NUP88: variants seen among roughly 807,000 people sequenced by gnomAD.
NUP88 encodes nucleoporin 88.
NUP88 carries 57 observed loss-of-function variants against 93.9 expected under a neutral mutation model. The observed-to-expected ratio is 0.61, with a 90% CI of 0.49 to 0.76. NUP88 has a LOEUF of 0.76. Among genes scored for constraint, NUP88 ranks in the 30% least tolerant of loss-of-function variants. The pLI is 0.00. For synonymous variants in NUP88, 346 were observed against 336.8 expected, an observed-to-expected ratio of 1.03 and a Z score of -0.30; for missense variants, 911 against 901.0, an observed-to-expected ratio of 1.01 and a Z score of -0.14.
intron 9 of NUP88, among the ~76,000 whole-genome samples, chr17:5,393,431 TTTTC>T (rs1912568858): frequency 2.0e-5 from 3 of 147,768 alleles, no homozygotes; most frequent in South Asian, 4.3e-4. Flanking sequence ...CCTTGTTCAC[TTTTC>T]TTTTTTTTTT....
chr17:5,387,598 C>CACTT lies in NUP88; in HGVS notation c.1835+3_1835+6dup. 1 of 1,611,474 alleles carries CACTT rather than the reference C, an allele frequency of 6.2e-7. No individual in the cohort carries two copies. The highest frequency in any genetic ancestry group is 1.3e-5 in the African/African-American group (1 of 74,898). On this transcript the variant is annotated splice_region_variant and intron_variant, in intron 13 of 16. Transcript: ENST00000573584. ...CCTATTGTATTCTTCTTATTTTTGA[C>CACTT]ACTTACCTCTCTTCTCGACAATAAC...
Position 5,385,372 on chromosome 17 carries a change from G to A in NUP88, c.*834C>T, listed in dbSNP as rs561096138. The A allele has an allele frequency of 1.7e-5, 4 of 230,666 alleles. No individual in the cohort carries two copies. Among genetic ancestry groups the A allele is most frequent in the Middle Eastern group, 1.3e-3 (1 of 774 alleles). 14.3% of individuals were successfully genotyped at this position (230,666 alleles called of 1,614,324 possible). A position where few individuals can be genotyped will look rare whatever the true frequency, so the allele number is the denominator to read the frequency against. Reference sequence around the variant, plus strand: ...GCTTATATTCAGTCTGTGCCTACATGTTCTCATGCATGTCTAACCTGATTT... The same window carrying A: ...GCTTATATTCAGTCTGTGCCTACATATTCTCATGCATGTCTAACCTGATTT... On this transcript the variant is annotated 3_prime_UTR_variant, in exon 17 of 17. Transcript: ENST00000573584.
rs370741484 is a variant in NUP88, at chr17:5,387,476, T to C, written c.1836-10A>G. On this transcript the variant is annotated splice_polypyrimidine_tract_variant and intron_variant, in intron 13 of 16. Coordinates refer to ENST00000573584, the MANE Select transcript of NUP88 (RefSeq NM_002532.6). ...TTCCCGCAGACTTTTCCTAATGATG[T>C]AAGACACAAGAGACTCTTGAGGTCC... 451 of 1,613,724 alleles carry C rather than the reference T, an allele frequency of 2.8e-4. 4 individuals are homozygous for C. The South Asian group carries it at 4.8e-3, about 17-fold the overall frequency.
chr17:5,389,971 G>C (rs1438795797), intron 10 of NUP88, among the ~76,000 whole-genome samples: 1 of 151,806 alleles, frequency 6.6e-6, no homozygotes, highest in East Asian at 1.9e-4. Context: ...TTCAGGACCA[G>C]CCTGGCCAAC....
chr17:5,416,476 T>C, intron 2 of NUP88, 37 bp downstream of exon 2: 2 of 1,412,370 alleles, frequency 1.4e-6, no homozygotes. Context: ...TTTCTGTATA[T>C]ATAATAAATT....
intron 4 of NUP88, among the ~76,000 whole-genome samples, 179 bp downstream of exon 4, chr17:5,410,524 G>A (rs749310937): frequency 1.4e-4 from 22 of 152,054 alleles, no homozygotes; most frequent in Non-Finnish European, 3.1e-4. Flanking sequence ...TTGAGCCTAG[G>A]AGTTCCAGAC....
chr17:5,395,800 G>C (rs1201483398), intron 8 of NUP88, among the ~76,000 whole-genome samples: 1 of 152,070 alleles, frequency 6.6e-6, no homozygotes, highest in Non-Finnish European at 1.5e-5. Context: ...TTACAGGTGT[G>C]AACCACCACG....
At chr17:5,412,831 C>T (rs1225873024) in intron 3 of NUP88, among the ~76,000 whole-genome samples, 1 of 152,210 alleles carries the variant, frequency 6.6e-6, no homozygotes, top group African/African-American at 2.4e-5. Flanking sequence ...CCCTACCCCA[C>T]ACTGAAGGAG....
intron 9 of NUP88, among the ~76,000 whole-genome samples, chr17:5,394,621 G>C (rs1912652007): frequency 6.6e-6 from 1 of 152,186 alleles, no homozygotes; most frequent in African/African-American, 2.4e-5. Context: ...TCAGAAAGAA[G>C]GGTAGGAGTT....
In NUP88 at chr17:5,391,668, A is replaced by G. The variant is rs61756013; in HGVS notation, c.1383-6T>C. The G allele has an allele frequency of 1.8e-4, 287 of 1,609,286 alleles. 1 individual carries two copies. Among genetic ancestry groups the G allele is most frequent in the Non-Finnish European group, 2.2e-4 (258 of 1,175,878 alleles). On this transcript the variant is annotated splice_region_variant and splice_polypyrimidine_tract_variant and intron_variant, in intron 9 of 16. Coordinates refer to ENST00000573584, the MANE Select transcript of NUP88 (RefSeq NM_002532.6). ...CTCGAATTGGAGCTGGCTGCCTGGA[A>G]AAACACAGTCATAGTTAAATTACAA...
chr17:5,388,904 A>G lies in NUP88; in HGVS notation c.1541T>C (p.Val514Ala), dbSNP rs1285504707. 6.2e-7 allele frequency: 1 copy of G among 1,613,924 alleles called. No homozygotes were observed. The highest frequency in any genetic ancestry group is 8.5e-7 in the Non-Finnish European group (1 of 1,179,936). The change falls in exon 11 of 17, where the codon GTG becomes GCG. Residue 514 changes from valine to alanine, a missense_variant. Physicochemically the swap from Val to Ala is moderately conservative, Grantham distance 64. Transcript: ENST00000573584. ...CAGAACACGGAGGGGAGACTCTGCC[A>G]CTTCAACATCTTCTCGAGTACAAAG... ...PLLCTREDVE[V>A]AESPLRVLAE...
chr17:5,402,317 AACAAAAAACAAAAT>A (rs1304021485), intron 7 of NUP88, among the ~76,000 whole-genome samples: 1 of 151,974 alleles, frequency 6.6e-6, no homozygotes, highest in Non-Finnish European at 1.5e-5. Context: ...CAAAAAAAAA[AACAAAAAACAAAAT>A]ACAAAAAACA....
chr17:5,384,953 G>A lies in NUP88; in HGVS notation c.*1253C>T. 4.4e-6 allele frequency: 1 copy of A among 226,864 alleles called. No homozygotes were observed. 14.1% of individuals were successfully genotyped at this position (226,864 alleles called of 1,614,324 possible). ...TCTTCAGATTATTAAAATTAGTGCT[G>A]TAAATCAGGGTGGGCAATTCACAGC... On this transcript the variant is annotated 3_prime_UTR_variant, in exon 17 of 17. Transcript: ENST00000573584.
At position 5,395,221 on chromosome 17, in the gene NUP88, C is replaced by A. The variant is rs532651292; in HGVS notation, c.1292-240G>T. 7.9e-5 allele frequency among the ~76,000 whole-genome samples: 12 copies of A among 152,278 alleles called. 1 individual carries two copies. Among genetic ancestry groups the A allele is most frequent in the African/African-American group, 1.9e-4 (8 of 41,564 alleles). On this transcript the variant is annotated intron_variant, in intron 8 of 16. Coordinates refer to ENST00000573584, the MANE Select transcript of NUP88 (RefSeq NM_002532.6). ...AATGTTTCACTAAGAACAGTGAAAT[C>A]ATTCTCTTCTAGGGTGCTGCTTACC...
At chr17:5,408,313 T>C (rs1288743747) in intron 5 of NUP88, among the ~76,000 whole-genome samples, 2 of 152,186 alleles carry the variant, frequency 1.3e-5, no homozygotes, top group African/African-American at 4.8e-5. Context: ...TGATCTCTCC[T>C]TCCTCGGGGT....
Position 5,385,699 on chromosome 17 carries a change from G to C in NUP88, c.*507C>G, listed in dbSNP as rs376462884. On this transcript the variant is annotated 3_prime_UTR_variant, in exon 17 of 17. Coordinates refer to ENST00000573584, the MANE Select transcript of NUP88 (RefSeq NM_002532.6). ...TGAGCCAGCAGTGGCCTTTGCAATT[G>C]TGGATCTTGAGCTCTGCTCTCAGCA... 26 of 231,440 alleles carry C rather than the reference G, an allele frequency of 1.1e-4. No individual in the cohort carries two copies. In the East Asian group the frequency reaches 1.3e-3, roughly 11 times the overall value. The allele number at this position is 231,440 out of a possible 1,614,324, so 14.3% of individuals were successfully genotyped here. A position where few individuals can be genotyped will look rare whatever the true frequency, so the allele number is the denominator to read the frequency against.
chr17:5,396,728 C>A (rs911553889), intron 8 of NUP88, among the ~76,000 whole-genome samples: 2 of 152,182 alleles, frequency 1.3e-5, no homozygotes, highest in African/African-American at 2.4e-5. Context: ...AAAGACTGTA[C>A]CATTTTACAT....
intron 2 of NUP88, among the ~76,000 whole-genome samples, 178 bp from the exon 3 acceptor site, chr17:5,414,312 C>G (rs1914013551): frequency 6.6e-6 from 1 of 152,110 alleles, no homozygotes; most frequent in African/African-American, 2.4e-5. Flanking sequence ...TCTCCTGCCT[C>G]AGTCTTTCAA....
intron 1 of NUP88, among the ~76,000 whole-genome samples, chr17:5,416,911 A>G (rs1161858541): frequency 1.3e-5 from 2 of 148,512 alleles, no homozygotes; most frequent in African/African-American, 5.0e-5. Flanking sequence ...AGACTTTACT[A>G]TGGGGGTTCA....
Sources: allele counts gnomAD v4.1 joint callset (sites outside exome capture counted in the v4.1 genomes callset), GRCh38; gene constraint gnomAD v4.1.1; transcripts MANE v1.5; gene names NCBI Gene and HGNC (gene_info 2026-07-23, HGNC 2026-07-21).